The following DPYD variants were observed in gnomAD, a reference collection of about 807,000 sequenced individuals.
The protein encoded by DPYD is dihydropyrimidine dehydrogenase, also known as dihydropyrimidine dehydrogenase [NADP(+)].
In DPYD, 109 loss-of-function variants were observed where a neutral mutation model predicts 116.2. The ratio of observed to expected loss-of-function variants is 0.94; its 90% confidence interval spans 0.80 to 1.10. The LOEUF (loss-of-function observed/expected upper bound fraction) is 1.10, where lower values mean the gene tolerates loss of function less well. Ranked by LOEUF, DPYD falls within the 50% of genes least tolerant of loss-of-function variation. The pLI, the probability that DPYD is intolerant of heterozygous loss-of-function variation, is 0.00. For synonymous variants in DPYD, 440 were observed against 432.0 expected (o/e 1.02, Z -0.23); for missense variants, 1,302 against 1,254.5 (o/e 1.04, Z -0.57).
chr1:97,712,999 T>C (rs1281870201), intron 5 of DPYD, among the ~76,000 whole-genome samples: 1 of 152,140 alleles, frequency 6.6e-6, no homozygotes, highest in East Asian at 1.9e-4. Flanking sequence ...TCCCCATGTT[T>C]TTATACCATT....
chr1:97,602,106 A>G (rs938441203), intron 8 of DPYD, among the ~76,000 whole-genome samples: 5 of 152,126 alleles, frequency 3.3e-5, no homozygotes, highest in Admixed American at 1.3e-4. Context: ...ACACCAGCAC[A>G]TAACAATAAG....
At chr1:97,823,476 C>T (rs952248731) in intron 3 of DPYD, among the ~76,000 whole-genome samples, 2 of 152,094 alleles carry the variant, frequency 1.3e-5, no homozygotes, top group African/African-American at 4.8e-5. Flanking sequence ...GAACACCAAC[C>T]TCTCCCCATT....
chr1:97,885,505 T>C (rs1390190213), intron 1 of DPYD, among the ~76,000 whole-genome samples: 1 of 152,112 alleles, frequency 6.6e-6, no homozygotes, highest in Non-Finnish European at 1.5e-5. Context: ...TTATACTTAG[T>C]ATTCTTAGAC....
intron 8 of DPYD, among the ~76,000 whole-genome samples, chr1:97,642,700 G>T (rs1387167555): frequency 7.8e-6 from 1 of 128,808 alleles, no homozygotes; most frequent in Non-Finnish European, 1.6e-5. Flanking sequence ...ATGGACACAG[G>T]AAGGGGAACA....
intron 16 of DPYD, among the ~76,000 whole-genome samples, chr1:97,356,860 T>C (rs561802002): frequency 6.6e-6 from 1 of 152,218 alleles, no homozygotes; most frequent in Admixed American, 6.5e-5. Context: ...AGTTTTCCAT[T>C]CTGCTCCACT....
At chr1:97,921,056 G>A (rs1355759611), upstream of DPYD, 19 of 1,155,248 alleles carry the variant, frequency 1.6e-5, no homozygotes, top group Non-Finnish European at 2.1e-5. Flanking sequence ...CGCGGGGGCG[G>A]AGCGGGCGCG....
intron 15 of DPYD, among the ~76,000 whole-genome samples, chr1:97,374,489 G>A (rs1671487206): frequency 1.3e-5 from 2 of 152,016 alleles, no homozygotes; most frequent in Admixed American, 1.3e-4. Flanking sequence ...GGGAGGCCAA[G>A]GCAGGCAGAT....
intron 8 of DPYD, among the ~76,000 whole-genome samples, chr1:97,633,502 C>G (rs1258665684): frequency 6.6e-6 from 1 of 151,994 alleles, no homozygotes; most frequent in Non-Finnish European, 1.5e-5. Context: ...AGCCTCTTCA[C>G]TATTAATCAA....
intron 3 of DPYD, among the ~76,000 whole-genome samples, chr1:97,746,836 T>C (rs992107553): frequency 1.3e-5 from 2 of 151,850 alleles, no homozygotes; most frequent in East Asian, 1.9e-4. Context: ...ATAAACGATA[T>C]AAAAATGAAA....
At chr1:97,374,871 T>G (rs2101525903) in intron 15 of DPYD, among the ~76,000 whole-genome samples, 1 of 147,708 alleles carries the variant, frequency 6.8e-6, no homozygotes, top group Middle Eastern at 3.6e-3. Flanking sequence ...TCTACCAAAA[T>G]ACAAAAGATT....
At chr1:97,454,956 T>C (rs527691150) in intron 13 of DPYD, among the ~76,000 whole-genome samples, 1 of 151,994 alleles carries the variant, frequency 6.6e-6, no homozygotes, top group African/African-American at 2.4e-5. Flanking sequence ...ATGAATTTTA[T>C]AAACATCTTG....
At chr1:97,144,205 G>C (rs1035428703) in intron 20 of DPYD, among the ~76,000 whole-genome samples, 1 of 152,174 alleles carries the variant, frequency 6.6e-6, no homozygotes, top group African/African-American at 2.4e-5. Flanking sequence ...CAGAGACATA[G>C]GCAAATGCCT....
At chr1:97,436,410 T>G (rs1675475602) in intron 14 of DPYD, among the ~76,000 whole-genome samples, 1 of 151,968 alleles carries the variant, frequency 6.6e-6, no homozygotes, top group African/African-American at 2.4e-5. Flanking sequence ...TTCCATTGCC[T>G]CTCTCATGAG....
chr1:97,082,558 A>T, intron 21 of DPYD, 88 bp from the exon 22 acceptor site: 1 of 1,488,774 alleles, frequency 6.7e-7, no homozygotes, highest in Non-Finnish European at 9.3e-7. Flanking sequence ...TCCTGTTTTT[A>T]TACAATGTTG....
At chr1:97,490,726 C>T (rs1678926999) in intron 13 of DPYD, among the ~76,000 whole-genome samples, 1 of 150,932 alleles carries the variant, frequency 6.6e-6, no homozygotes, top group Non-Finnish European at 1.5e-5. Context: ...CTGCCAACAA[C>T]TGGTTAATAT....
At chr1:97,157,798 C>G (rs1655583822) in intron 20 of DPYD, among the ~76,000 whole-genome samples, 1 of 151,946 alleles carries the variant, frequency 6.6e-6, no homozygotes, top group Non-Finnish European at 1.5e-5. Flanking sequence ...TGTGTATAAG[C>G]TCTCCTTTAC....
At chr1:97,392,115 G>A (rs946365877) in intron 14 of DPYD, among the ~76,000 whole-genome samples, 8 of 152,106 alleles carry the variant, frequency 5.3e-5, no homozygotes, top group African/African-American at 1.7e-4. Flanking sequence ...GGTATACCTC[G>A]AAGATATTGC....
intron 3 of DPYD, among the ~76,000 whole-genome samples, chr1:97,749,781 C>A (rs1206724359): frequency 6.6e-6 from 1 of 152,070 alleles, no homozygotes; most frequent in Non-Finnish European, 1.5e-5. Context: ...CTGCTCACCA[C>A]AACTATGGTT....
At chr1:97,920,507 G>A (rs1223839787) in intron 1 of DPYD, among the ~76,000 whole-genome samples, 1 of 152,190 alleles carries the variant, frequency 6.6e-6, no homozygotes, top group Non-Finnish European at 1.5e-5. Context: ...ACATACAGGA[G>A]GTGAAGGGGT....
Sources: gnomAD v4.1 joint callset for allele counts (sites outside exome capture counted in the v4.1 genomes callset) on GRCh38, gnomAD v4.1.1 for gene constraint, MANE v1.5 for transcripts, NCBI Gene and HGNC (gene_info 2026-07-23, HGNC 2026-07-21) for gene names.